CERKL: variants seen among roughly 807,000 people sequenced by gnomAD.
CERKL encodes CERK like autophagy regulator, also known as ceramide kinase-like protein.
CERKL carries 61 observed loss-of-function variants against 63.4 expected under a neutral mutation model. The ratio of observed to expected loss-of-function variants is 0.96; its 90% CI spans 0.78 to 1.19. The LOEUF is 1.19. Among genes scored for constraint, CERKL ranks in the 50% most tolerant of loss-of-function variants. The pLI is 0.00. For missense variants in CERKL, 675 were observed against 655.5 expected, an observed-to-expected ratio of 1.03 and a Z score of -0.33; for synonymous variants, 250 against 230.5, an observed-to-expected ratio of 1.08 and a Z score of -0.77.
At position 181,656,012 on chromosome 2, in the gene CERKL, AAG is replaced by A. The variant is rs575079620; in HGVS notation, c.238+755_238+756del. On this transcript the variant is annotated intron_variant, in intron 1 of 12. Coordinates refer to ENST00000410087, the MANE Select transcript of CERKL (RefSeq NM_201548.5). Reference sequence around the variant, plus strand: ...GTTAAGTCTATAAGGCTATTTGACTAAGACGTGAAAATAGACTCGAAGTATTT... The same window carrying A: ...GTTAAGTCTATAAGGCTATTTGACTAACGTGAAAATAGACTCGAAGTATTT... Among the ~76,000 whole-genome samples the A allele has an allele frequency of 6.3e-3, 953 of 152,360 alleles. 7 individuals carry two copies. Among genetic ancestry groups the A allele is most frequent in the African/African-American group, 0.022 (903 of 41,570 alleles).
intron 1 of CERKL, among the ~76,000 whole-genome samples, chr2:181,636,900 GTAGT>G (rs1272828966): frequency 6.6e-6 from 1 of 152,150 alleles, no homozygotes; most frequent in African/African-American, 2.4e-5. Flanking sequence ...AATAGATCAT[GTAGT>G]TATTCTTTTG....
rs1445551999 is a variant in CERKL at position 181,547,913 on chromosome 2, A to ACACACACACACACG, written c.1134-67_1134-66insCGTGTGTGTGTGTG. ...CGCGCGCACAGACACACAGACACAC[A>ACACACACACACACG]CAAATCTATTAAATATGAGAAAATT... On this transcript the variant is annotated intron_variant, in intron 8 of 12. Transcript: ENST00000410087. 1.6e-5 allele frequency: 23 copies of ACACACACACACACG among 1,448,664 alleles called. No individual in the cohort carries two copies. In the Admixed American group the frequency reaches 3.9e-4, roughly 25 times the overall value. The allele number at this position is 1,448,664 out of a possible 1,614,324, so 89.7% of individuals were successfully genotyped here. A position where few individuals can be genotyped will look rare whatever the true frequency, so the allele number is the denominator to read the frequency against.
intron 6 of CERKL, among the ~76,000 whole-genome samples, 198 bp downstream of exon 6, chr2:181,549,436 C>G (rs1318701399): frequency 1.3e-5 from 2 of 152,106 alleles, no homozygotes; most frequent in East Asian, 3.8e-4. Context: ...ATTTACTGCT[C>G]TTTACAAAGC....
At chr2:181,620,167 T>C (rs372094759) in intron 1 of CERKL, among the ~76,000 whole-genome samples, 21 of 152,330 alleles carry the variant, frequency 1.4e-4, no homozygotes, top group African/African-American at 5.0e-4. Context: ...ACCACAATGA[T>C]GGTTTCTATT....
chr2:181,551,847 G>A (rs1688001842), intron 5 of CERKL, among the ~76,000 whole-genome samples: 1 of 152,202 alleles, frequency 6.6e-6, no homozygotes, highest in African/African-American at 2.4e-5. Context: ...ACTGCTACCT[G>A]TCACATGAGG....
chr2:181,618,607 G>T (rs1369604538), intron 1 of CERKL, among the ~76,000 whole-genome samples: 1 of 151,868 alleles, frequency 6.6e-6, no homozygotes, highest in African/African-American at 2.4e-5. Flanking sequence ...AGTAGAGACA[G>T]GGTTTCACCA....
At chr2:181,620,213 C>T (rs1686388148) in intron 1 of CERKL, among the ~76,000 whole-genome samples, 1 of 152,108 alleles carries the variant, frequency 6.6e-6, no homozygotes, top group Admixed American at 6.5e-5. Context: ...GCATGGGCTT[C>T]CTTATTGGTA....
intron 1 of CERKL, among the ~76,000 whole-genome samples, chr2:181,652,387 C>T (rs932704506): frequency 2.6e-5 from 4 of 152,120 alleles, no homozygotes; most frequent in African/African-American, 9.7e-5. Flanking sequence ...AGAACATGCA[C>T]TGGGAAAAAG....
At chr2:181,571,338 T>C (rs78521524) in intron 3 of CERKL, among the ~76,000 whole-genome samples, 2,871 of 152,246 alleles carry the variant, frequency 0.019, 72 homozygotes, top group African/African-American at 0.064. Context: ...TTCTATTGTT[T>C]TATGTTTAAA....
In CERKL at chr2:181,548,612, G is replaced by C; in HGVS notation, c.1074-8C>G. 6.2e-7 allele frequency: 1 copy of C among 1,612,670 alleles called. No homozygotes were observed. Among genetic ancestry groups the C allele is most frequent in the Non-Finnish European group, 8.5e-7 (1 of 1,178,900 alleles). ...ATTTCACAGTCTTCTGCCCTAAAAT[G>C]TAATGAAATTTGTTATTAACAGTCA... is the stretch of plus-strand genomic sequence containing the variant. On this transcript the variant is annotated splice_polypyrimidine_tract_variant and splice_region_variant and intron_variant, in intron 7 of 12. Coordinates refer to ENST00000410087, the MANE Select transcript of CERKL (RefSeq NM_201548.5).
intron 1 of CERKL, among the ~76,000 whole-genome samples, chr2:181,648,288 A>G (rs1436141774): frequency 3.3e-5 from 5 of 152,224 alleles, no homozygotes; most frequent in Non-Finnish European, 7.3e-5. Context: ...AGAGAAAAGC[A>G]TCAAGTTACA....
At chr2:181,589,878 G>A (rs949351031) in intron 2 of CERKL, among the ~76,000 whole-genome samples, 2 of 152,166 alleles carry the variant, frequency 1.3e-5, no homozygotes, top group African/African-American at 4.8e-5. Flanking sequence ...AGGCTGGAGT[G>A]CAATGGCACA....
At chr2:181,572,755 G>A (rs1030093852) in intron 3 of CERKL, among the ~76,000 whole-genome samples, 1 of 149,444 alleles carries the variant, frequency 6.7e-6, no homozygotes, top group Non-Finnish European at 1.5e-5. Flanking sequence ...ACATTTCATG[G>A]GGGCTGACCT....
intron 11 of CERKL, among the ~76,000 whole-genome samples, chr2:181,539,885 T>G (rs1687415526): frequency 6.6e-6 from 1 of 152,204 alleles, no homozygotes; most frequent in Non-Finnish European, 1.5e-5. Context: ...CTAAGGAAAC[T>G]ATACTGAAAA....
chr2:181,638,812 A>G (rs921504714), intron 1 of CERKL, among the ~76,000 whole-genome samples: 1 of 152,128 alleles, frequency 6.6e-6, no homozygotes, highest in African/African-American at 2.4e-5. Context: ...CCAAGTCCTC[A>G]CCCTAGGTAA....
intron 5 of CERKL, among the ~76,000 whole-genome samples, chr2:181,552,686 A>G (rs1688035814): frequency 6.6e-6 from 1 of 152,202 alleles, no homozygotes; most frequent in Admixed American, 6.6e-5. Context: ...AGTGTTCTCA[A>G]TGTAAAATCA....
chr2:181,556,964 T>G (rs570711868), intron 5 of CERKL, among the ~76,000 whole-genome samples: 2 of 152,320 alleles, frequency 1.3e-5, no homozygotes, highest in East Asian at 3.9e-4. Flanking sequence ...TATCTCATTG[T>G]GGTTTTGATT....
chr2:181,587,664 T>C (rs1684822431), intron 2 of CERKL, among the ~76,000 whole-genome samples: 1 of 152,150 alleles, frequency 6.6e-6, no homozygotes, highest in Non-Finnish European at 1.5e-5. Context: ...AGCATTTAAA[T>C]ACAATTAACC....
chr2:181,581,012 T>C (rs990978595), intron 2 of CERKL, among the ~76,000 whole-genome samples: 16 of 152,190 alleles, frequency 1.1e-4, no homozygotes, highest in African/African-American at 3.6e-4. Context: ...TCACTCATTT[T>C]ACCCTGCTAC....
Sources: allele counts gnomAD v4.1 joint callset (sites outside exome capture counted in the v4.1 genomes callset), GRCh38; gene constraint gnomAD v4.1.1; transcripts MANE v1.5; gene names NCBI Gene and HGNC (gene_info 2026-07-23, HGNC 2026-07-21).